EVI5: variants seen among roughly 807,000 people sequenced by gnomAD.
EVI5 encodes ecotropic viral integration site 5.
A neutral mutation model predicts 112.0 loss-of-function variants in EVI5; 73 were observed. The observed-to-expected ratio is 0.65, with a 90% CI of 0.54 to 0.79. The LOEUF (loss-of-function observed/expected upper bound fraction) is 0.79. EVI5 is among the 30% of genes least tolerant of loss of function. The pLI is 0.00. For missense variants in EVI5, 900 were observed against 968.8 expected, an observed-to-expected ratio of 0.93 and a Z score of 0.94; for synonymous variants, 305 against 319.9, an observed-to-expected ratio of 0.95 and a Z score of 0.50.
At chr1:92,674,689 A>G (rs1666429980) in intron 10 of EVI5, among the ~76,000 whole-genome samples, 2 of 150,158 alleles carry the variant, frequency 1.3e-5, no homozygotes, top group South Asian at 4.2e-4. Flanking sequence ...GTATAATTAA[A>G]AAAAAAAAAG....
At chr1:92,704,494 T>C in intron 3 of EVI5, 61 bp downstream of exon 3, 2 of 1,082,058 alleles carry the variant, frequency 1.8e-6, no homozygotes. Context: ...CAATCCTCTA[T>C]TAAGTTATGT....
chr1:92,609,821 C>G (rs998963678), intron 16 of EVI5, among the ~76,000 whole-genome samples: 94 of 151,928 alleles, frequency 6.2e-4, no homozygotes, highest in Middle Eastern at 3.2e-3. Flanking sequence ...TTCATCTTTA[C>G]TTTTACTTGT....
At chr1:92,745,300 A>C (rs2102882275) in intron 1 of EVI5, among the ~76,000 whole-genome samples, 1 of 152,140 alleles carries the variant, frequency 6.6e-6, no homozygotes, top group South Asian at 2.1e-4. Flanking sequence ...AACAGTACTC[A>C]TTCTTTAAGG....
intron 14 of EVI5, among the ~76,000 whole-genome samples, chr1:92,634,859 T>C (rs1218971966): frequency 6.6e-6 from 1 of 152,178 alleles, no homozygotes; most frequent in Non-Finnish European, 1.5e-5. Context: ...GGGGTTTTGG[T>C]GTGGATGTCC....
At chr1:92,572,311 A>G (rs1057436077) in intron 18 of EVI5, among the ~76,000 whole-genome samples, 1 of 152,196 alleles carries the variant, frequency 6.6e-6, no homozygotes, top group Non-Finnish European at 1.5e-5. Flanking sequence ...CAACAGAAAA[A>G]GAAAATATAC....
At chr1:92,765,900 A>C (rs749587849) in intron 1 of EVI5, among the ~76,000 whole-genome samples, 33 of 151,796 alleles carry the variant, frequency 2.2e-4, no homozygotes, top group Admixed American at 1.1e-3. Context: ...ACATATTGAG[A>C]TCTCATATCC....
At chr1:92,519,553 T>C (rs1030183994) in intron 19 of EVI5, among the ~76,000 whole-genome samples, 1 of 152,070 alleles carries the variant, frequency 6.6e-6, no homozygotes, top group Non-Finnish European at 1.5e-5. Context: ...CTGATGCTAT[T>C]TGGCAATAAA....
intron 19 of EVI5, among the ~76,000 whole-genome samples, chr1:92,552,386 T>G (rs1667077653): frequency 6.6e-6 from 1 of 152,212 alleles, no homozygotes; most frequent in Admixed American, 6.5e-5. Flanking sequence ...TGCTGTGTTA[T>G]CTCCCATTTC....
chr1:92,533,087 T>A (rs1030454996), intron 19 of EVI5, among the ~76,000 whole-genome samples: 7 of 129,258 alleles, frequency 5.4e-5, no homozygotes, highest in African/African-American at 8.6e-5. Context: ...ATAGGTGCAA[T>A]AAAAAAAATG....
intron 1 of EVI5, among the ~76,000 whole-genome samples, chr1:92,777,397 C>T (rs1684291691): frequency 6.6e-6 from 1 of 152,230 alleles, no homozygotes; most frequent in African/African-American, 2.4e-5. Flanking sequence ...CCACAAGTTT[C>T]TCACATTTTA....
At chr1:92,632,424 C>T (rs970242793) in intron 14 of EVI5, among the ~76,000 whole-genome samples, 1 of 152,116 alleles carries the variant, frequency 6.6e-6, no homozygotes, top group Non-Finnish European at 1.5e-5. Flanking sequence ...GTGTATGTGT[C>T]GAGGAATTTA....
intron 18 of EVI5, among the ~76,000 whole-genome samples, chr1:92,592,975 G>A (rs569476789): frequency 2.6e-5 from 4 of 152,276 alleles, no homozygotes; most frequent in African/African-American, 7.2e-5. Context: ...ATTCACAGCC[G>A]AATTCTACCA....
chr1:92,596,685 C>A (rs936425894), intron 18 of EVI5, among the ~76,000 whole-genome samples: 22 of 152,120 alleles, frequency 1.4e-4, no homozygotes, highest in African/African-American at 5.1e-4. Flanking sequence ...TTCTTGAACT[C>A]TTGACCTCAA....
At chr1:92,632,062 T>A (rs1392001366) in intron 14 of EVI5, among the ~76,000 whole-genome samples, 4 of 152,040 alleles carry the variant, frequency 2.6e-5, no homozygotes, top group African/African-American at 9.7e-5. Context: ...CTTTTTGATG[T>A]GCTGCTGGAT....
intron 1 of EVI5, among the ~76,000 whole-genome samples, chr1:92,781,098 C>G (rs1684806724): frequency 6.6e-6 from 1 of 152,070 alleles, no homozygotes; most frequent in South Asian, 2.1e-4. Context: ...GATCCGCTCG[C>G]CTCGGCCTCC....
At position 92,655,144 on chromosome 1, in the gene EVI5, T is replaced by A. The variant is rs143400614; in HGVS notation, c.1392+7575A>T. ...CTCAGAGAACTCTAGGAAAATACAG[T>A]GCAAGAAGGACTTCACCAACACATA... On this transcript the variant is annotated intron_variant, in intron 13 of 19. Coordinates refer to ENST00000684568, the MANE Select transcript of EVI5 (RefSeq NM_001350197.2). Among the ~76,000 whole-genome samples, 535 of 151,566 alleles carry A rather than the reference T, an allele frequency of 3.5e-3. 1 individual carries two copies. The highest frequency in any genetic ancestry group is 0.012 in the African/African-American group (505 of 41,250).
chr1:92,726,854 AG>A (rs1675646101), intron 2 of EVI5, among the ~76,000 whole-genome samples: 1 of 152,192 alleles, frequency 6.6e-6, no homozygotes, highest in South Asian at 2.1e-4. Context: ...TAACCCTCAA[AG>A]TCAGACTGAT....
chr1:92,739,805 T>A (rs1169002559), intron 1 of EVI5, among the ~76,000 whole-genome samples: 1 of 152,116 alleles, frequency 6.6e-6, no homozygotes, highest in Non-Finnish European at 1.5e-5. Flanking sequence ...TATGGTTAAT[T>A]ACTTCCTGAA....
intron 18 of EVI5, among the ~76,000 whole-genome samples, chr1:92,578,318 A>G (rs920088700): frequency 1.3e-5 from 2 of 152,136 alleles, no homozygotes; most frequent in Non-Finnish European, 2.9e-5. Context: ...GAAATTCTGG[A>G]ATGAAAAATT....
Sources: allele counts gnomAD v4.1 joint callset (sites outside exome capture counted in the v4.1 genomes callset), GRCh38; gene constraint gnomAD v4.1.1; transcripts MANE v1.5; gene names NCBI Gene and HGNC (gene_info 2026-07-23, HGNC 2026-07-21).